ACTR3B: variants seen among roughly 807,000 people sequenced by gnomAD.
ACTR3B encodes the protein actin-related protein 3B.
A neutral mutation model predicts 59.0 loss-of-function variants in ACTR3B; 8 were observed. The observed-to-expected ratio is 0.14, with a 90% CI of 0.08 to 0.24. The LOEUF (loss-of-function observed/expected upper bound fraction) is 0.24, where lower values mean the gene tolerates loss of function less well. ACTR3B is among the 10% of genes least tolerant of loss of function. The probability of loss-of-function intolerance (pLI) is 1.00; values close to 1 mark genes in which losing one functional copy is unlikely to be tolerated. For synonymous variants in ACTR3B, 148 were observed against 197.9 expected (o/e 0.75, Z 2.12); for missense variants, 245 against 552.3 (o/e 0.44, Z 5.58).
At chr7:152,849,112 A>G (rs1301107851) in intron 9 of ACTR3B, among the ~76,000 whole-genome samples, 1 of 152,212 alleles carries the variant, frequency 6.6e-6, no homozygotes, top group Admixed American at 6.5e-5. Flanking sequence ...GGCCACGCCG[A>G]CAGAGTTTTG....
At position 152,852,227 on chromosome 7, in the gene ACTR3B, G is replaced by A. The variant is rs1345064732; in HGVS notation, c.1053G>A (p.Glu351=). Residue 351 remains glutamate (E), a synonymous_variant, in exon 10 of 12, where the codon GAG becomes GAA. Coordinates refer to ENST00000256001, the MANE Select transcript of ACTR3B (RefSeq NM_020445.6). ...TGGATGCTAGGCTGAGGCTCAGCGA[G>A]GAGCTCAGCGGCGGGAGGATCAAGG... ...RVVDARLRLS[E]ELSGGRIKPK... 35 of 1,613,800 alleles carry A rather than the reference G, an allele frequency of 2.2e-5. No homozygotes were observed. The highest frequency in any genetic ancestry group is 2.9e-5 in the Non-Finnish European group (34 of 1,179,970).
chr7:152,763,845 T>C (rs1179386923), intron 1 of ACTR3B, among the ~76,000 whole-genome samples: 1 of 152,236 alleles, frequency 6.6e-6, no homozygotes, highest in African/African-American at 2.4e-5. Flanking sequence ...AACTTATCCA[T>C]AGGCCTCATT....
chr7:152,784,170 A>T (rs2098164080), intron 2 of ACTR3B, among the ~76,000 whole-genome samples: 1 of 152,136 alleles, frequency 6.6e-6, no homozygotes, highest in Non-Finnish European at 1.5e-5. Context: ...AAAGAGTAGG[A>T]TGTATTAATC....
chr7:152,781,229 A>T (rs2098152645), intron 1 of ACTR3B, among the ~76,000 whole-genome samples: 1 of 117,238 alleles, frequency 8.5e-6, no homozygotes, highest in Admixed American at 1.0e-4. Context: ...GAAACCCATT[A>T]CACATAGACC....
chr7:152,792,916 A>G (rs947815470), intron 2 of ACTR3B, among the ~76,000 whole-genome samples: 1 of 151,926 alleles, frequency 6.6e-6, no homozygotes, highest in African/African-American at 2.4e-5. Flanking sequence ...TTTGCTGAAC[A>G]TAGAATTCTG....
At chr7:152,765,993 T>A (rs2098108911) in intron 1 of ACTR3B, among the ~76,000 whole-genome samples, 1 of 152,054 alleles carries the variant, frequency 6.6e-6, no homozygotes, top group Non-Finnish European at 1.5e-5. Flanking sequence ...TCGCATTTAT[T>A]TTTTTCGGTC....
At chr7:152,822,133 T>G (rs1458957243) in intron 7 of ACTR3B, among the ~76,000 whole-genome samples, 1 of 152,242 alleles carries the variant, frequency 6.6e-6, no homozygotes, top group Non-Finnish European at 1.5e-5. Context: ...AACACAGGGT[T>G]GTGTAGCACT....
At chr7:152,851,435 C>T (rs539817722) in intron 9 of ACTR3B, among the ~76,000 whole-genome samples, 6 of 152,166 alleles carry the variant, frequency 3.9e-5, no homozygotes, top group Non-Finnish European at 8.8e-5. Flanking sequence ...GCCGTCAAAC[C>T]ATGAGGATGT....
intron 2 of ACTR3B, among the ~76,000 whole-genome samples, chr7:152,797,964 C>T (rs544235125): frequency 5.3e-5 from 8 of 152,106 alleles, no homozygotes; most frequent in African/African-American, 1.7e-4. Flanking sequence ...GATTCCAGAT[C>T]TTGGTTATTG....
At chr7:152,823,173 C>T (rs2116867949) in intron 7 of ACTR3B, among the ~76,000 whole-genome samples, 169 bp from the exon 8 acceptor site, 1 of 152,288 alleles carries the variant, frequency 6.6e-6, no homozygotes, top group East Asian at 1.9e-4. Flanking sequence ...CCATGTCTAA[C>T]ATGAAAGACG....
chr7:152,823,346 A>C lies in ACTR3B; in HGVS notation c.689A>C (p.Lys230Thr). Residue 230 changes from lysine to threonine, a missense_variant, in exon 8 of 12, where the codon AAA becomes ACA. Physicochemically the swap from Lys to Thr is moderately conservative, Grantham distance 78 (BLOSUM62 -1). Transcript: ENST00000256001. ...SLETAKAIKEKYCYICPDIVK... is the reference protein window; with the variant it reads ...SLETAKAIKETYCYICPDIVK... ...CATCTTTGTGTGTGTATGCAGGAGA[A>C]ATACTGTTACATTTGCCCCGATATA... 1 of 1,613,998 alleles carries C rather than the reference A, an allele frequency of 6.2e-7. No homozygotes were observed. The highest frequency in any genetic ancestry group is 8.5e-7 in the Non-Finnish European group (1 of 1,179,922).
chr7:152,825,161 A>G, intron 9 of ACTR3B, 39 bp downstream of exon 9: 1 of 1,594,942 alleles, frequency 6.3e-7, no homozygotes, highest in Non-Finnish European at 8.6e-7. Context: ...ATTTCATTCC[A>G]CAATTAAAGG....
chr7:152,825,126 T>G lies in ACTR3B; in HGVS notation c.951+4T>G. The G allele has an allele frequency of 6.2e-7, 1 of 1,612,038 alleles. No homozygotes were observed. Among genetic ancestry groups the G allele is most frequent in the Non-Finnish European group, 8.5e-7 (1 of 1,179,342 alleles). On this transcript the variant is annotated splice_donor_region_variant and intron_variant, in intron 9 of 11. Coordinates refer to ENST00000256001, the MANE Select transcript of ACTR3B (RefSeq NM_020445.6). The stretch of plus-strand genomic sequence containing the variant: ...TGTGCGGCGCCCGCTGTATAAGGTA[T>G]GAGCTGCCTGGGTAAGGTACTTTGA...
intron 9 of ACTR3B, among the ~76,000 whole-genome samples, chr7:152,826,509 C>A (rs1052783049): frequency 6.6e-6 from 1 of 152,256 alleles, no homozygotes; most frequent in South Asian, 2.1e-4. Context: ...AAACACTTGT[C>A]TAATACAAAG....
chr7:152,836,822 C>T (rs1797498703), intron 9 of ACTR3B, among the ~76,000 whole-genome samples: 1 of 152,116 alleles, frequency 6.6e-6, no homozygotes, highest in South Asian at 2.1e-4. Flanking sequence ...TTATTTATGA[C>T]ATCTTTTCTT....
intron 9 of ACTR3B, among the ~76,000 whole-genome samples, chr7:152,826,244 T>A (rs1796564457): frequency 6.6e-6 from 1 of 152,200 alleles, no homozygotes; most frequent in South Asian, 2.1e-4. Flanking sequence ...AAAAGGAACT[T>A]GTAAAATTTA....
At chr7:152,822,529 C>A (rs1249674327) in intron 7 of ACTR3B, among the ~76,000 whole-genome samples, 3 of 152,202 alleles carry the variant, frequency 2.0e-5, no homozygotes, top group Admixed American at 6.5e-5. Context: ...AGCATCCTGG[C>A]GGCTTCAGTC....
intron 2 of ACTR3B, among the ~76,000 whole-genome samples, chr7:152,787,589 T>C (rs1050127550): frequency 2.0e-5 from 3 of 152,050 alleles, no homozygotes; most frequent in African/African-American, 7.2e-5. Flanking sequence ...GTGAAGGAGA[T>C]AGGTAATTTT....
intron 1 of ACTR3B, among the ~76,000 whole-genome samples, chr7:152,773,201 A>G (rs898719685): frequency 6.0e-5 from 9 of 149,348 alleles, no homozygotes; most frequent in Non-Finnish European, 1.3e-4. Flanking sequence ...CATGGACTCA[A>G]CTAAATTCAC....
Sources: gnomAD v4.1 joint callset for allele counts (sites outside exome capture counted in the v4.1 genomes callset) on GRCh38, gnomAD v4.1.1 for gene constraint, MANE v1.5 for transcripts, NCBI Gene and HGNC (gene_info 2026-07-23, HGNC 2026-07-21) for gene names.